Variants in TMEM150C observed in about 807,000 individuals in gnomAD.
TMEM150C encodes transmembrane protein 150C.
A neutral mutation model predicts 29.9 loss-of-function variants in TMEM150C; 10 were observed. The observed-to-expected ratio is 0.33, with a 90% confidence interval of 0.21 to 0.57. The LOEUF is 0.57. Among genes scored for constraint, TMEM150C ranks in the 20% least tolerant of loss-of-function variants. TMEM150C has a pLI of 0.88. For missense variants in TMEM150C, 251 were observed against 303.6 expected (o/e 0.83, Z 1.29); for synonymous variants, 101 against 112.5 (o/e 0.90, Z 0.64).
intron 1 of TMEM150C, among the ~76,000 whole-genome samples, chr4:82,543,207 T>C (rs1260824019): frequency 1.3e-5 from 2 of 152,208 alleles, no homozygotes; most frequent in Non-Finnish European, 2.9e-5. Context: ...CTACTTCCTC[T>C]TTAAGATCAA....
chr4:82,548,772 G>A (rs1233298981), intron 1 of TMEM150C, among the ~76,000 whole-genome samples: 1 of 152,246 alleles, frequency 6.6e-6, no homozygotes, highest in Non-Finnish European at 1.5e-5. Context: ...TAATGGCCCT[G>A]GGCTGGGTCT....
At chr4:82,529,128 C>G (rs1156481817) in intron 1 of TMEM150C, among the ~76,000 whole-genome samples, 1 of 151,962 alleles carries the variant, frequency 6.6e-6, no homozygotes, top group African/African-American at 2.4e-5. Flanking sequence ...ACAGGAGAGC[C>G]AAAGACAGAG....
chr4:82,538,831 T>C (rs1335800034), intron 1 of TMEM150C, among the ~76,000 whole-genome samples: 1 of 152,020 alleles, frequency 6.6e-6, no homozygotes, highest in Non-Finnish European at 1.5e-5. Flanking sequence ...GAGGCTGAGG[T>C]GGGCAGATTG....
chr4:82,519,504 C>A (rs1283491080), intron 1 of TMEM150C, among the ~76,000 whole-genome samples: 2 of 152,064 alleles, frequency 1.3e-5, no homozygotes, highest in East Asian at 1.9e-4. Flanking sequence ...CGGCTCACTG[C>A]AACTCCTGCC....
At chr4:82,491,463 G>T in intron 6 of TMEM150C, 1 of 690,412 alleles carries the variant, frequency 1.4e-6, no homozygotes, top group East Asian at 2.5e-5. Context: ...GATATAGCGG[G>T]GCAATTTCAC....
chr4:82,545,492 G>A (rs1219068234), intron 1 of TMEM150C, among the ~76,000 whole-genome samples: 2 of 152,134 alleles, frequency 1.3e-5, no homozygotes, highest in African/African-American at 4.8e-5. Context: ...GCAAGACAAG[G>A]ATGCCCACTC....
At chr4:82,557,734 C>CTTTT (rs767919077) in intron 1 of TMEM150C, among the ~76,000 whole-genome samples, 1 of 131,374 alleles carries the variant, frequency 7.6e-6, no homozygotes, top group African/African-American at 2.9e-5. Context: ...TTTTCTTTTT[C>CTTTT]TTTTTTTTTT....
At position 82,485,589 on chromosome 4, in the gene TMEM150C, G is replaced by A. The variant is rs765520360; in HGVS notation, c.672C>T (p.Cys224=). ...EFRHYRYEIV[C]SEYQENFLSF... is the part of the protein sequence containing the mutation. ...TTAGGAAATTCTCCTGGTACTCAGA[G>A]CAAACAATCTCATAGCGGTAATGCC... Residue 224 remains cysteine, a synonymous_variant, in exon 8 of 8, where the codon TGC becomes TGT. Coordinates refer to ENST00000449862, the MANE Select transcript of TMEM150C (RefSeq NM_001080506.3). The A allele has an allele frequency of 1.3e-5, 21 of 1,611,132 alleles. No homozygotes were observed. In the South Asian group the frequency reaches 2.2e-4, roughly 17 times the overall value.
chr4:82,520,960 T>C (rs1012548907), intron 1 of TMEM150C, among the ~76,000 whole-genome samples: 4 of 152,172 alleles, frequency 2.6e-5, no homozygotes, highest in African/African-American at 7.2e-5. Flanking sequence ...CTTTACGCAC[T>C]ACTCACCCCT....
intron 1 of TMEM150C, among the ~76,000 whole-genome samples, chr4:82,559,005 TC>T (rs1185195672): frequency 6.6e-6 from 1 of 152,108 alleles, no homozygotes; most frequent in Non-Finnish European, 1.5e-5. Context: ...CTTTGTAATT[TC>T]CCCACCCCTA....
chr4:82,518,495 A>G (rs1724370183), intron 1 of TMEM150C, among the ~76,000 whole-genome samples: 1 of 152,100 alleles, frequency 6.6e-6, no homozygotes, highest in Non-Finnish European at 1.5e-5. Context: ...GTCCCTTTAC[A>G]GCTTTTTATG....
intron 1 of TMEM150C, among the ~76,000 whole-genome samples, chr4:82,530,104 C>CTCTG (rs925294977): frequency 1.4e-5 from 2 of 137,984 alleles, no homozygotes; most frequent in African/African-American, 6.9e-5. Context: ...CTCTCTCTCT[C>CTCTG]TAGAGAGAGA....
At chr4:82,515,286 T>A (rs1264860152) in intron 1 of TMEM150C, among the ~76,000 whole-genome samples, 1 of 152,218 alleles carries the variant, frequency 6.6e-6, no homozygotes, top group Non-Finnish European at 1.5e-5. Context: ...TAGAAAGGTT[T>A]TATAAATATG....
chr4:82,485,509 G>A lies in TMEM150C; in HGVS notation c.*2C>T. On this transcript the variant is annotated 3_prime_UTR_variant, in exon 8 of 8. Transcript: ENST00000449862. Reference sequence around the variant, plus strand: ...CCTCACCAGCAAGGAAAAACTGATGGTTTACACCTGGTCAGTCTGATATTC... The same window carrying A: ...CCTCACCAGCAAGGAAAAACTGATGATTTACACCTGGTCAGTCTGATATTC... The A allele has an allele frequency of 6.3e-7, 1 of 1,590,850 alleles. No individual in the cohort carries two copies. Among genetic ancestry groups the A allele is most frequent in the East Asian group, 2.3e-5 (1 of 44,162 alleles).
chr4:82,529,897 A>G (rs1320057733), intron 1 of TMEM150C, among the ~76,000 whole-genome samples: 1 of 152,176 alleles, frequency 6.6e-6, no homozygotes, highest in African/African-American at 2.4e-5. Flanking sequence ...TTTTCAAAAA[A>G]TAGAGAATTG....
chr4:82,538,493 T>C (rs1357464171), intron 1 of TMEM150C, among the ~76,000 whole-genome samples: 1 of 152,154 alleles, frequency 6.6e-6, no homozygotes, highest in Non-Finnish European at 1.5e-5. Context: ...TCTAATGCCA[T>C]AGGAAAATGC....
intron 1 of TMEM150C, among the ~76,000 whole-genome samples, chr4:82,523,873 G>A (rs550561581): frequency 2.0e-5 from 3 of 151,366 alleles, no homozygotes; most frequent in Non-Finnish European, 4.4e-5. Flanking sequence ...AGATGGGGGG[G>A]GTTTCACCAT....
intron 1 of TMEM150C, among the ~76,000 whole-genome samples, chr4:82,529,969 T>C (rs1030472839): frequency 6.6e-6 from 1 of 151,282 alleles, no homozygotes; most frequent in Non-Finnish European, 1.5e-5. Flanking sequence ...AGGGAGGGAA[T>C]GTGTAGGGCT....
At chr4:82,541,400 T>G (rs1335960916) in intron 1 of TMEM150C, among the ~76,000 whole-genome samples, 3 of 152,126 alleles carry the variant, frequency 2.0e-5, no homozygotes, top group Non-Finnish European at 2.9e-5. Flanking sequence ...TCTCCTCATT[T>G]CAGATAACCA....
Sources: gnomAD v4.1 joint callset for allele counts (sites outside exome capture counted in the v4.1 genomes callset) on GRCh38, gnomAD v4.1.1 for gene constraint, MANE v1.5 for transcripts, NCBI Gene and HGNC (gene_info 2026-07-23, HGNC 2026-07-21) for gene names.